The following THOC7 variants were observed in gnomAD, a reference collection of about 807,000 sequenced individuals.
The protein encoded by THOC7 is NIF3L1-binding protein 1.
THOC7 carries 22 observed loss-of-function variants against 33.1 expected under a neutral mutation model. The ratio of observed to expected loss-of-function variants is 0.66; its 90% CI spans 0.47 to 0.95. THOC7 has a LOEUF of 0.95. THOC7 is among the 40% of genes least tolerant of loss of function. THOC7 has a pLI of 0.00. For missense variants in THOC7, 184 were observed against 245.3 expected (o/e 0.75, Z 1.67); for synonymous variants, 77 against 76.8 (o/e 1.00, Z -0.01).
intron 1 of THOC7, chr3:63,860,640 C>A (rs1010522794): frequency 2.6e-5 from 4 of 152,146 alleles, no homozygotes; most frequent in African/African-American, 9.7e-5. Flanking sequence ...TCACTTACAG[C>A]TTGGTTAATT....
At position 63,834,079 on chromosome 3, in the gene THOC7, T is replaced by G; in HGVS notation, c.*53A>C. On this transcript the variant is annotated 3_prime_UTR_variant, in exon 8 of 8. Coordinates refer to ENST00000295899, the MANE Select transcript of THOC7 (RefSeq NM_025075.4). ...AGAGCATACCACATTTTAAACACAT[T>G]ATGGTCATGTAGCTATTTCAATATT... The G allele has an allele frequency of 1.3e-6, 2 of 1,581,652 alleles. No individual in the cohort carries two copies. Among genetic ancestry groups the G allele is most frequent in the Non-Finnish European group, 1.7e-6 (2 of 1,152,190 alleles).
chr3:63,846,273 G>A, intron 1 of THOC7: 2 of 436,410 alleles, frequency 4.6e-6, no homozygotes, highest in Non-Finnish European at 4.6e-6. Flanking sequence ...AAAATCAGGA[G>A]ATAATCCCCA....
intron 1 of THOC7, chr3:63,854,765 T>C (rs1411283872): frequency 6.6e-6 from 1 of 152,166 alleles, no homozygotes; most frequent in Non-Finnish European, 1.5e-5. Context: ...TCCCAGCACT[T>C]TGTGAGGCCG....
chr3:63,852,232 G>C (rs1702034296), intron 1 of THOC7, among the ~76,000 whole-genome samples: 1 of 152,168 alleles, frequency 6.6e-6, no homozygotes, highest in East Asian at 1.9e-4. Context: ...GGACAGCCTA[G>C]AAGCCCAGAC....
upstream of THOC7, among the ~76,000 whole-genome samples, chr3:63,864,085 T>G (rs1446735069): frequency 6.9e-6 from 1 of 145,036 alleles, no homozygotes; most frequent in Admixed American, 6.8e-5. Context: ...CAGCCCGGGC[T>G]CCCGCCGCCC....
chr3:63,841,528 C>T lies in THOC7; in HGVS notation c.20-1755G>A, dbSNP rs569149970. Among the ~76,000 whole-genome samples, 12 of 152,158 alleles carry T rather than the reference C, an allele frequency of 7.9e-5. No homozygotes were observed. The East Asian group carries it at 1.4e-3, about 17-fold the overall frequency. Reference sequence around the variant, plus strand: ...GAAGTATTTTTGAGCGCAGGTGCAGCGGAGATAAACTTTGGAAGGCAGATG... The same window carrying T: ...GAAGTATTTTTGAGCGCAGGTGCAGTGGAGATAAACTTTGGAAGGCAGATG... On this transcript the variant is annotated intron_variant, in intron 1 of 7. Transcript: ENST00000295899.
At chr3:63,850,970 T>C (rs367863466) in intron 1 of THOC7, among the ~76,000 whole-genome samples, 43 of 152,360 alleles carry the variant, frequency 2.8e-4, no homozygotes, top group African/African-American at 9.6e-4. Context: ...TATTTCTTGT[T>C]GCACATAAAT....
chr3:63,835,340 T>C lies in THOC7; in HGVS notation c.461A>G (p.Glu154Gly), dbSNP rs1330507621. ...TGCGAATACCTTATCTTCAACACTTTCTTTAATGTGTGAAAGATGCTCTAA... is the reference window on the plus strand; with the variant it reads ...TGCGAATACCTTATCTTCAACACTTCCTTTAATGTGTGAAAGATGCTCTAA... ...KELEHLSHIK[E>G]SVEDKLELRR... is the part of the protein sequence containing the mutation. Residue 154 changes from glutamate to glycine, a missense_variant, in exon 6 of 8, where the codon GAA becomes GGA. By Grantham distance (98) the Glu-to-Gly change is moderately conservative. Around this residue, in one of 3 missense-constraint regions of THOC7, gnomAD observed 157 missense variants for 201.3 expected, o/e 0.78. Coordinates refer to ENST00000295899, the MANE Select transcript of THOC7 (RefSeq NM_025075.4). 2 of 1,613,586 alleles carry C rather than the reference T, an allele frequency of 1.2e-6. No individual in the cohort carries two copies. The highest frequency in any genetic ancestry group is 3.3e-5 in the Admixed American group (2 of 60,018).
intron 1 of THOC7, among the ~76,000 whole-genome samples, chr3:63,849,689 G>C (rs111428483): frequency 1.3e-5 from 2 of 152,164 alleles, no homozygotes; most frequent in Non-Finnish European, 2.9e-5. Context: ...GGTGAATGTA[G>C]AGAAAAAAAT....
At chr3:63,836,426 T>C in intron 4 of THOC7, 68 bp from the exon 5 acceptor site, 1 of 1,455,434 alleles carries the variant, frequency 6.9e-7, no homozygotes, top group Non-Finnish European at 9.6e-7. Context: ...ACAAAATGTG[T>C]AATATCACAA....
intron 4 of THOC7, among the ~76,000 whole-genome samples, chr3:63,836,998 A>G (rs982710227): frequency 6.6e-6 from 1 of 151,974 alleles, no homozygotes; most frequent in African/African-American, 2.4e-5. Context: ...AAGTTGGTAT[A>G]TGTTACTGTA....
In THOC7 at chr3:63,863,764, G is replaced by A. The variant is rs932654005; in HGVS notation, c.19+8C>T. 3.2e-6 allele frequency: 4 copies of A among 1,252,510 alleles called. No individual in the cohort carries two copies. Among genetic ancestry groups the A allele is most frequent in the African/African-American group, 1.6e-5 (1 of 64,366 alleles). The allele number at this position is 1,252,510 out of a possible 1,614,324, so 77.6% of individuals were successfully genotyped here. A position where few individuals can be genotyped will look rare whatever the true frequency, so the allele number is the denominator to read the frequency against. On this transcript the variant is annotated splice_region_variant and intron_variant, in intron 1 of 7. Transcript: ENST00000295899. Reference sequence around the variant, plus strand: ...AGCGGGCGCGTGTGGCGGCGAGCGGGGCCTCACCGTCAGTCACGGCTCCCA... The same window carrying A: ...AGCGGGCGCGTGTGGCGGCGAGCGGAGCCTCACCGTCAGTCACGGCTCCCA...
chr3:63,834,497 TA>T (rs1701588142), intron 7 of THOC7, among the ~76,000 whole-genome samples: 1 of 151,666 alleles, frequency 6.6e-6, no homozygotes, highest in African/African-American at 2.4e-5. Flanking sequence ...CCGTCTCTAC[TA>T]AAAATACTAA....
At chr3:63,861,580 G>A (rs1443246855) in intron 1 of THOC7, 9 of 152,104 alleles carry the variant, frequency 5.9e-5, no homozygotes, top group Admixed American at 3.3e-4. Flanking sequence ...CTCGGCAGGT[G>A]GTCTCCCTGC....
chr3:63,863,617 C>T (rs2107178404), intron 1 of THOC7, 155 bp downstream of exon 1: 1 of 1,196,212 alleles, frequency 8.4e-7, no homozygotes, highest in Non-Finnish European at 1.0e-6. Context: ...CGGGGAGGCC[C>T]GGGGCTCCGG....
intron 2 of THOC7, among the ~76,000 whole-genome samples, chr3:63,838,752 T>C (rs539684713): frequency 6.6e-6 from 1 of 152,348 alleles, no homozygotes; most frequent in South Asian, 2.1e-4. Flanking sequence ...ATTCAAACAA[T>C]TATTTGAATT....
intron 3 of THOC7, 143 bp downstream of exon 3, chr3:63,838,229 T>C: frequency 1.1e-6 from 1 of 911,558 alleles, no homozygotes. Context: ...TACACATTTT[T>C]TATAGCTAAC....
intron 1 of THOC7, among the ~76,000 whole-genome samples, chr3:63,862,684 C>G (rs1259144858): frequency 6.6e-6 from 1 of 152,134 alleles, no homozygotes; most frequent in East Asian, 1.9e-4. Context: ...TGTGGAGACC[C>G]TGGTGGTCTT....
chr3:63,860,574 T>C (rs1353033668), intron 1 of THOC7: 1 of 152,104 alleles, frequency 6.6e-6, no homozygotes, highest in Non-Finnish European at 1.5e-5. Flanking sequence ...TCATGAACAC[T>C]AGATCACAGA....
Sources: allele counts gnomAD v4.1 joint callset (sites outside exome capture counted in the v4.1 genomes callset), GRCh38; gene constraint gnomAD v4.1.1; regional missense constraint gnomAD v4.1.1; transcripts MANE v1.5; gene names NCBI Gene and HGNC (gene_info 2026-07-23, HGNC 2026-07-21).